GPC6: variants seen among roughly 807,000 people sequenced by gnomAD.
The protein encoded by GPC6 is glypican 6.
In GPC6, 14 loss-of-function variants were observed where a neutral mutation model predicts 55.2. That is an observed-to-expected ratio of 0.25 (90% confidence interval 0.17 to 0.40). The LOEUF is 0.40. GPC6 is among the 10% of genes least tolerant of loss of function. The pLI is 1.00. For synonymous variants in GPC6, 278 were observed against 259.6 expected (o/e 1.07, Z -0.68); for missense variants, 641 against 708.5 (o/e 0.90, Z 1.08).
intron 4 of GPC6, among the ~76,000 whole-genome samples, chr13:94,160,084 C>T (rs559081092): frequency 5.3e-5 from 8 of 152,144 alleles, no homozygotes; most frequent in East Asian, 3.9e-4. Flanking sequence ...AATCATGGTC[C>T]GAAAATATTC....
At position 94,333,510 on chromosome 13, in the gene GPC6, A is replaced by C. The variant is rs74103906; in HGVS notation, c.1152+27387A>C. On this transcript the variant is annotated intron_variant, in intron 6 of 8. Coordinates refer to ENST00000377047, the MANE Select transcript of GPC6 (RefSeq NM_005708.5). ...GTGAATCCTAAAAGGAAATCAATAC[A>C]TCAATGCATTGTCCTTTAGTTGCAC... Among the ~76,000 whole-genome samples the C allele has an allele frequency of 4.2e-3, 635 of 152,358 alleles. 4 individuals carry two copies. Among genetic ancestry groups the C allele is most frequent in the African/African-American group, 0.015 (611 of 41,576 alleles).
chr13:93,985,715 T>TAAAAAAAAAAAAAAAAAAAAAAAAAAA (rs1157375754), intron 3 of GPC6, among the ~76,000 whole-genome samples: 1 of 126,236 alleles, frequency 7.9e-6, no homozygotes, highest in African/African-American at 2.8e-5. Flanking sequence ...AAAAAAAAAT[T>TAAAAAAAAAAAAAAAAAAAAAAAAAAA]AAAAAACGGA....
At chr13:93,966,760 C>G (rs1254217543) in intron 3 of GPC6, among the ~76,000 whole-genome samples, 1 of 150,516 alleles carries the variant, frequency 6.6e-6, no homozygotes, top group Admixed American at 6.7e-5. Context: ...AAGCAATCCT[C>G]CCTCCTCAGC....
At chr13:94,369,588 T>C (rs933200289) in intron 6 of GPC6, among the ~76,000 whole-genome samples, 29 of 152,332 alleles carry the variant, frequency 1.9e-4, no homozygotes, top group African/African-American at 6.7e-4. Context: ...ATTTATTCCA[T>C]TTTTAATTAA....
intron 2 of GPC6, among the ~76,000 whole-genome samples, chr13:93,571,906 C>T (rs1476369516): frequency 2.0e-5 from 3 of 151,458 alleles, no homozygotes; most frequent in African/African-American, 7.3e-5. Context: ...GCTGGTCTCA[C>T]ATTTGATACT....
At chr13:93,328,101 C>T (rs1207500327) in intron 1 of GPC6, among the ~76,000 whole-genome samples, 1 of 151,890 alleles carries the variant, frequency 6.6e-6, no homozygotes, top group Admixed American at 6.6e-5. Flanking sequence ...CTTTCTCTTG[C>T]ATGATTCTAG....
chr13:93,344,012 A>T (rs1880350227), intron 1 of GPC6, among the ~76,000 whole-genome samples: 1 of 152,202 alleles, frequency 6.6e-6, no homozygotes, highest in South Asian at 2.1e-4. Flanking sequence ...TACAAGTAGG[A>T]TGGTGCCAGT....
At chr13:93,275,935 C>T (rs893334310) in intron 1 of GPC6, among the ~76,000 whole-genome samples, 1 of 152,122 alleles carries the variant, frequency 6.6e-6, no homozygotes, top group Non-Finnish European at 1.5e-5. Context: ...AGTGCGGCGG[C>T]GCGATCTCGG....
intron 4 of GPC6, among the ~76,000 whole-genome samples, chr13:94,046,586 C>T (rs1883739646): frequency 6.6e-6 from 1 of 152,080 alleles, no homozygotes; most frequent in Non-Finnish European, 1.5e-5. Context: ...TCACTTTCCC[C>T]TCATTGACCA....
chr13:93,772,936 T>A (rs1007592035), intron 2 of GPC6, among the ~76,000 whole-genome samples: 1 of 152,130 alleles, frequency 6.6e-6, no homozygotes, highest in Non-Finnish European at 1.5e-5. Flanking sequence ...TAGGAAAAGT[T>A]GTTATCATCT....
Position 93,702,558 on chromosome 13 carries a change from T to C in GPC6, c.320-127596T>C, listed in dbSNP as rs1311632606. Among the ~76,000 whole-genome samples the C allele has an allele frequency of 1.3e-5, 2 of 152,046 alleles. 1 individual carries two copies. Among genetic ancestry groups the C allele is most frequent in the Admixed American group, 1.3e-4 (2 of 15,236 alleles). ...TGAAGCCAGGCATTGATTTTTCCTC[T>C]CCAGCTGTGAATGTCCTCGATGGCA... On this transcript the variant is annotated intron_variant, in intron 2 of 8. Transcript: ENST00000377047.
chr13:93,422,145 G>T (rs1039950334), intron 1 of GPC6, among the ~76,000 whole-genome samples: 17 of 152,108 alleles, frequency 1.1e-4, no homozygotes, highest in African/African-American at 4.1e-4. Flanking sequence ...CACATTTGTT[G>T]GATTGGATGG....
chr13:94,178,519 C>G (rs997740771), intron 4 of GPC6, among the ~76,000 whole-genome samples: 3 of 152,176 alleles, frequency 2.0e-5, no homozygotes, highest in Non-Finnish European at 4.4e-5. Context: ...CTAGACTACA[C>G]CCAATTATTG....
intron 1 of GPC6, among the ~76,000 whole-genome samples, chr13:93,498,945 TA>T (rs1241083089): frequency 2.6e-5 from 4 of 152,338 alleles, no homozygotes; most frequent in Middle Eastern, 3.4e-3. Context: ...GTAGAGGATC[TA>T]AAGTGCCTAT....
chr13:93,942,719 A>T (rs968964894), intron 3 of GPC6, among the ~76,000 whole-genome samples: 1 of 152,146 alleles, frequency 6.6e-6, no homozygotes, highest in Non-Finnish European at 1.5e-5. Flanking sequence ...AAGAGGAGGG[A>T]TTACACAGGG....
At position 94,318,116 on chromosome 13, in the gene GPC6, C is replaced by T. The variant is rs147919046; in HGVS notation, c.1152+11993C>T. Among the ~76,000 whole-genome samples the T allele has an allele frequency of 2.0e-5, 3 of 152,278 alleles. No individual in the cohort carries two copies. The East Asian group carries it at 5.8e-4, about 29-fold the overall frequency. ...ACACATGAATTGGCACCGCTCTCGG[C>T]TTCATGGAAGAGTAGAGGGAAGAAG... is the stretch of plus-strand genomic sequence containing the variant. On this transcript the variant is annotated intron_variant, in intron 6 of 8. Coordinates refer to ENST00000377047, the MANE Select transcript of GPC6 (RefSeq NM_005708.5).
At chr13:93,323,203 C>T (rs1483268327) in intron 1 of GPC6, among the ~76,000 whole-genome samples, 4 of 152,086 alleles carry the variant, frequency 2.6e-5, no homozygotes, top group Non-Finnish European at 5.9e-5. Context: ...GTAGTCAACT[C>T]ATCAAAGTGT....
intron 1 of GPC6, among the ~76,000 whole-genome samples, chr13:93,424,342 G>C (rs1379581980): frequency 6.6e-6 from 1 of 152,096 alleles, no homozygotes; most frequent in African/African-American, 2.4e-5. Flanking sequence ...TTAGGGTTAG[G>C]GCATAATCTT....
At chr13:93,380,987 T>C (rs572390457) in intron 1 of GPC6, among the ~76,000 whole-genome samples, 1 of 152,298 alleles carries the variant, frequency 6.6e-6, no homozygotes, top group African/African-American at 2.4e-5. Context: ...TCTACTAAAC[T>C]ATTTAAGATC....
Sources: gnomAD v4.1 joint callset for allele counts (sites outside exome capture counted in the v4.1 genomes callset) on GRCh38, gnomAD v4.1.1 for gene constraint, MANE v1.5 for transcripts, NCBI Gene and HGNC (gene_info 2026-07-23, HGNC 2026-07-21) for gene names.